MSH4: variants seen among roughly 807,000 people sequenced by gnomAD.
The protein encoded by MSH4 is mutS homolog 4, also known as mutS protein homolog 4.
In MSH4, 106 loss-of-function variants were observed where a neutral mutation model predicts 113.7. The ratio of observed to expected loss-of-function variants is 0.93; its 90% CI spans 0.80 to 1.10. The LOEUF is 1.10. Among genes scored for constraint, MSH4 ranks in the 50% least tolerant of loss-of-function variants. The probability of loss-of-function intolerance (pLI) is 0.00; values close to 1 mark genes in which losing one functional copy is unlikely to be tolerated. For synonymous variants in MSH4, 368 were observed against 380.2 expected, an observed-to-expected ratio of 0.97 and a Z score of 0.37; for missense variants, 1,061 against 1,093.7, an observed-to-expected ratio of 0.97 and a Z score of 0.42.
intron 8 of MSH4, among the ~76,000 whole-genome samples, chr1:75,857,317 CT>C (rs1430923944): frequency 2.6e-5 from 4 of 152,150 alleles, no homozygotes; most frequent in Admixed American, 2.6e-4. Flanking sequence ...TCAATTTTGG[CT>C]TTTGTTGCCA....
chr1:75,881,368 A>G lies in MSH4; in HGVS notation c.1904A>G (p.Tyr635Cys), dbSNP rs372088567. 20 of 1,610,716 alleles carry G rather than the reference A, an allele frequency of 1.2e-5. No homozygotes were observed. The highest frequency in any genetic ancestry group is 1.7e-4 in the Middle Eastern group (1 of 6,036). The change falls in exon 14 of 20, where the codon TAT becomes TGT. Residue 635 changes from tyrosine (Y) to cysteine (C), a missense_variant and splice_region_variant. By Grantham distance (194) the Tyr-to-Cys change is radical. Coordinates refer to ENST00000263187, the MANE Select transcript of MSH4 (RefSeq NM_002440.4). ...SFAHACTLSD[Y>C]VRPEFTDTLA... ...GCTCATGCCTGCACTCTTTCTGACT[A>G]TGGTAAGTTGCTTTCTTTGGAATAA...
At position 75,797,200 on chromosome 1, in the gene MSH4, G is replaced by A. The variant is rs138536732; in HGVS notation, c.215G>A (p.Cys72Tyr). The change falls in exon 1 of 20, where the codon TGC becomes TAC. Residue 72 changes from cysteine to tyrosine, a missense_variant. Coordinates refer to ENST00000263187, the MANE Select transcript of MSH4 (RefSeq NM_002440.4). Reference sequence around the variant, plus strand: ...AGCAGCAGCAGCAGCAGCCTTCCCTGCCCCGCGCCAAACTCCCGGCCAGCT... The same window carrying A: ...AGCAGCAGCAGCAGCAGCCTTCCCTACCCCGCGCCAAACTCCCGGCCAGCT... ...DRSSSSSSLP[C>Y]PAPNSRPAQG... 3.3e-5 allele frequency: 53 copies of A among 1,606,796 alleles called. No homozygotes were observed. In the African/African-American group the frequency reaches 5.7e-4, roughly 17 times the overall value.
intron 15 of MSH4, 137 bp downstream of exon 15, chr1:75,883,958 T>C (rs1651991357): frequency 1.6e-6 from 1 of 622,516 alleles, no homozygotes; most frequent in Non-Finnish European, 2.8e-6. Context: ...AGTATAACAG[T>C]GTGTCTGTTG....
chr1:75,848,671 C>A (rs5745410), intron 8 of MSH4, among the ~76,000 whole-genome samples: 42,250 of 151,856 alleles, frequency 0.28, 6,164 homozygotes, highest in Middle Eastern at 0.37. Context: ...CTTGGGAGGT[C>A]AAGGCTGCAG....
intron 4 of MSH4, among the ~76,000 whole-genome samples, chr1:75,812,322 G>A (rs1650207291): frequency 1.3e-5 from 2 of 152,132 alleles, no homozygotes; most frequent in African/African-American, 4.8e-5. Flanking sequence ...TTTATACTGG[G>A]CATTTTAATG....
intron 17 of MSH4, among the ~76,000 whole-genome samples, chr1:75,894,824 C>T (rs1652334594): frequency 6.6e-6 from 1 of 152,068 alleles, no homozygotes; most frequent in Non-Finnish European, 1.5e-5. Context: ...CTTTTAAGGA[C>T]TCAATTACAA....
chr1:75,836,511 C>A (rs1650832200), intron 7 of MSH4, among the ~76,000 whole-genome samples: 1 of 151,966 alleles, frequency 6.6e-6, no homozygotes, highest in Admixed American at 6.6e-5. Context: ...GTTGCCCAGG[C>A]TTGGAAGCAC....
chr1:75,830,540 G>C (rs948766563), intron 7 of MSH4, among the ~76,000 whole-genome samples: 2 of 152,166 alleles, frequency 1.3e-5, no homozygotes, highest in African/African-American at 4.8e-5. Context: ...CAACCAGAGA[G>C]AAAGGTCAGG....
chr1:75,854,833 T>A (rs777531124), intron 8 of MSH4, among the ~76,000 whole-genome samples: 22 of 152,138 alleles, frequency 1.4e-4, no homozygotes, highest in Non-Finnish European at 2.9e-4. Context: ...ATAATCAATA[T>A]AAATAAAAAC....
At chr1:75,874,734 C>A (rs1371418209) in intron 9 of MSH4, among the ~76,000 whole-genome samples, 1 of 152,072 alleles carries the variant, frequency 6.6e-6, no homozygotes, top group African/African-American at 2.4e-5. Flanking sequence ...AACTTCTGGC[C>A]TGTGATGCTG....
chr1:75,889,220 T>C (rs746671293), intron 15 of MSH4, 31 bp from the exon 16 acceptor site: 2 of 981,194 alleles, frequency 2.0e-6, no homozygotes, highest in South Asian at 1.4e-5. Flanking sequence ...TATAAACACA[T>C]TTCAGTTTAT....
chr1:75,907,689 C>CATATATATATATATATATATATAT (rs71071973), intron 19 of MSH4, among the ~76,000 whole-genome samples: 78 of 78,598 alleles, frequency 9.9e-4, no homozygotes, highest in Middle Eastern at 0.011. Context: ...TCTCTCTATA[C>CATATATATATATATATATATATAT]ATATATATAT....
intron 7 of MSH4, among the ~76,000 whole-genome samples, chr1:75,837,210 T>C (rs1402225196): frequency 1.3e-5 from 2 of 152,128 alleles, no homozygotes; most frequent in African/African-American, 4.8e-5. Flanking sequence ...GAAGGTACCA[T>C]CTATGAGTCA....
intron 19 of MSH4, among the ~76,000 whole-genome samples, chr1:75,907,148 T>C (rs559588172): frequency 1.3e-5 from 2 of 152,296 alleles, no homozygotes; most frequent in South Asian, 2.1e-4. Context: ...TTCTTTCCTT[T>C]CAGATTTAAG....
chr1:75,873,341 G>T (rs1194051359), intron 9 of MSH4, among the ~76,000 whole-genome samples: 1 of 152,060 alleles, frequency 6.6e-6, no homozygotes, highest in East Asian at 1.9e-4. Context: ...CATTAATTCA[G>T]CCATGTGACT....
chr1:75,904,076 G>C (rs1301971714), intron 19 of MSH4, among the ~76,000 whole-genome samples: 1 of 152,144 alleles, frequency 6.6e-6, no homozygotes, highest in Non-Finnish European at 1.5e-5. Flanking sequence ...TGTCATAAAG[G>C]AATGTTGAAT....
At chr1:75,872,725 A>G (rs1320216722) in intron 9 of MSH4, among the ~76,000 whole-genome samples, 1 of 152,242 alleles carries the variant, frequency 6.6e-6, no homozygotes, top group African/African-American at 2.4e-5. Context: ...ATTGAAGGGA[A>G]CTGTCAATAT....
In MSH4 at chr1:75,852,989, C is replaced by T. The variant is rs192483215; in HGVS notation, c.1230+4713C>T. 5.3e-5 allele frequency among the ~76,000 whole-genome samples: 8 copies of T among 152,208 alleles called. No individual in the cohort carries two copies. In the East Asian group the frequency reaches 7.7e-4, roughly 15 times the overall value. ...ATCAAAATTATTATGAAAATTATTACGTTATACAGAGCTGAGCCTGCGTGA... is the reference window on the plus strand; with the variant it reads ...ATCAAAATTATTATGAAAATTATTATGTTATACAGAGCTGAGCCTGCGTGA... On this transcript the variant is annotated intron_variant, in intron 8 of 19. Transcript: ENST00000263187.
At chr1:75,804,692 G>T (rs1344798544) in intron 2 of MSH4, among the ~76,000 whole-genome samples, 1 of 151,638 alleles carries the variant, frequency 6.6e-6, no homozygotes, top group Non-Finnish European at 1.5e-5. Flanking sequence ...TGTATTTTTA[G>T]TAGAGATGGG....
Sources: gnomAD v4.1 joint callset for allele counts (sites outside exome capture counted in the v4.1 genomes callset) on GRCh38, gnomAD v4.1.1 for gene constraint, MANE v1.5 for transcripts, NCBI Gene and HGNC (gene_info 2026-07-23, HGNC 2026-07-21) for gene names.